The following OTUD7A variants were observed in gnomAD, a reference collection of about 807,000 sequenced individuals.
The protein encoded by OTUD7A is OTU domain-containing protein 7A.
In OTUD7A, 12 loss-of-function variants were observed where a neutral mutation model predicts 65.7. That is an observed-to-expected ratio of 0.18 (90% CI 0.12 to 0.30). The LOEUF is 0.30. OTUD7A is among the 10% of genes least tolerant of loss of function. The pLI is 1.00. For missense variants in OTUD7A, 1,148 were observed against 1,304.8 expected (o/e 0.88, Z 1.85); for synonymous variants, 641 against 586.3 (o/e 1.09, Z -1.35).
intron 3 of OTUD7A, among the ~76,000 whole-genome samples, chr15:31,644,612 A>G (rs979492638): frequency 4.8e-4 from 73 of 152,134 alleles, no homozygotes; most frequent in African/African-American, 1.7e-3. Flanking sequence ...AGTAGCCAGG[A>G]CCACAGGTAT....
chr15:31,493,477 G>A (rs1458522474), intron 10 of OTUD7A, among the ~76,000 whole-genome samples: 1 of 152,218 alleles, frequency 6.6e-6, no homozygotes, highest in Non-Finnish European at 1.5e-5. Context: ...AGAGCAAGTA[G>A]GCAGAAACCA....
intron 1 of OTUD7A, among the ~76,000 whole-genome samples, chr15:31,723,379 C>A (rs1033980908): frequency 5.1e-5 from 6 of 117,320 alleles, no homozygotes; most frequent in Non-Finnish European, 9.1e-5. Context: ...CCAACTGCCC[C>A]CCGCACCGCA....
chr15:31,495,653 G>A (rs971251769), intron 10 of OTUD7A, among the ~76,000 whole-genome samples: 1 of 152,192 alleles, frequency 6.6e-6, no homozygotes, highest in Admixed American at 6.5e-5. Flanking sequence ...GCGTAGCTGT[G>A]CTTTTTACTC....
At chr15:31,625,045 G>T (rs1451979498) in intron 3 of OTUD7A, among the ~76,000 whole-genome samples, 1 of 152,226 alleles carries the variant, frequency 6.6e-6, no homozygotes, top group African/African-American at 2.4e-5. Flanking sequence ...ACCATAAGCT[G>T]TCGCTTTATC....
chr15:31,791,089 C>G (rs35955815), intron 1 of OTUD7A, among the ~76,000 whole-genome samples: 22 of 152,142 alleles, frequency 1.4e-4, no homozygotes, highest in Admixed American at 5.2e-4. Flanking sequence ...TGCAGTGGCT[C>G]GATCTCGGCT....
At position 31,721,195 on chromosome 15, in the gene OTUD7A, C is replaced by T. The variant is rs529600459; in HGVS notation, c.-99-64118G>A. Among the ~76,000 whole-genome samples, 91 of 152,398 alleles carry T rather than the reference C, an allele frequency of 6.0e-4. 2 individuals are homozygous for T. In the East Asian group the frequency reaches 0.013, roughly 22 times the overall value. On this transcript the variant is annotated intron_variant, in intron 1 of 12. Coordinates refer to ENST00000307050, the MANE Select transcript of OTUD7A (RefSeq NM_001382637.1). ...TACCTCTATGTAATCAGTGTGTATG[C>T]TGCATGCACACATCTATGTATCTAT... is the stretch of plus-strand genomic sequence containing the variant.
intron 3 of OTUD7A, among the ~76,000 whole-genome samples, chr15:31,596,073 C>T (rs1260332150): frequency 6.6e-6 from 1 of 152,114 alleles, no homozygotes; most frequent in Non-Finnish European, 1.5e-5. Context: ...ATTTTAAAGT[C>T]ACCTGATTAG....
chr15:31,742,126 C>A (rs187252649), intron 1 of OTUD7A, among the ~76,000 whole-genome samples: 1 of 151,644 alleles, frequency 6.6e-6, no homozygotes, highest in African/African-American at 2.4e-5. Context: ...GTTTTCTCAA[C>A]AAATAAAGAA....
chr15:31,556,628 T>C (rs574947232), intron 5 of OTUD7A: 1 of 152,330 alleles, frequency 6.6e-6, no homozygotes, highest in East Asian at 1.9e-4. Flanking sequence ...GAAGGTAACA[T>C]GGTGGGGTCT....
chr15:31,795,325 G>A (rs1013019077), intron 1 of OTUD7A, among the ~76,000 whole-genome samples: 4 of 152,158 alleles, frequency 2.6e-5, no homozygotes, highest in East Asian at 1.9e-4. Context: ...GAACAGAGTC[G>A]CTAGCACCAT....
In OTUD7A at chr15:31,724,505, A is replaced by G. The variant is rs145107242; in HGVS notation, c.-99-67428T>C. Among the ~76,000 whole-genome samples, 172 of 152,336 alleles carry G rather than the reference A, an allele frequency of 1.1e-3. 2 individuals are homozygous for G. The highest frequency in any genetic ancestry group is 2.8e-3 in the Admixed American group (43 of 15,310). The stretch of plus-strand genomic sequence containing the variant: ...CTGTGCTTCATCAATGATTTGAAAT[A>G]CCACATTTATCATACACAATATGCC... On this transcript the variant is annotated intron_variant, in intron 1 of 12. Coordinates refer to ENST00000307050, the MANE Select transcript of OTUD7A (RefSeq NM_001382637.1).
At chr15:31,740,439 G>GGGTGGGA in intron 1 of OTUD7A, among the ~76,000 whole-genome samples, 1 of 152,044 alleles carries the variant, frequency 6.6e-6, no homozygotes, top group Non-Finnish European at 1.5e-5. Flanking sequence ...GGTGGGGGGA[G>GGGTGGGA]GGTGGGAGGT....
At chr15:31,741,559 C>A (rs1894345377) in intron 1 of OTUD7A, among the ~76,000 whole-genome samples, 1 of 151,914 alleles carries the variant, frequency 6.6e-6, no homozygotes, top group African/African-American at 2.4e-5. Context: ...ATACAATCTG[C>A]ATGAAAAATT....
chr15:31,789,706 CTTT>C (rs11354353), intron 1 of OTUD7A, among the ~76,000 whole-genome samples: 69 of 105,866 alleles, frequency 6.5e-4, no homozygotes, highest in Admixed American at 1.2e-3. Context: ...CAATGCTGCC[CTTT>C]TTTTTTTTTT....
intron 1 of OTUD7A, among the ~76,000 whole-genome samples, chr15:31,764,696 C>A (rs771922116): frequency 1.3e-4 from 20 of 152,220 alleles, no homozygotes; most frequent in Non-Finnish European, 2.2e-4. Flanking sequence ...ATATTGGAAT[C>A]ACCTAGATTA....
chr15:31,532,703 G>A (rs1248860967), intron 5 of OTUD7A, among the ~76,000 whole-genome samples: 1 of 151,954 alleles, frequency 6.6e-6, no homozygotes, highest in African/African-American at 2.4e-5. Context: ...TGAGGCGGGC[G>A]GATCACGAGG....
intron 1 of OTUD7A, among the ~76,000 whole-genome samples, chr15:31,867,738 G>A (rs1897915365): frequency 6.6e-6 from 1 of 152,190 alleles, no homozygotes; most frequent in African/African-American, 2.4e-5. Context: ...ACTCAATCCT[G>A]AGACTCAAAG....
At chr15:31,519,019 T>A (rs956128996) in intron 8 of OTUD7A, among the ~76,000 whole-genome samples, 3 of 152,232 alleles carry the variant, frequency 2.0e-5, no homozygotes, top group Non-Finnish European at 4.4e-5. Flanking sequence ...CAGTGGCCAG[T>A]GTGGCTTGAG....
At chr15:31,765,670 T>C in intron 1 of OTUD7A, 1 of 735,172 alleles carries the variant, frequency 1.4e-6, no homozygotes, top group South Asian at 2.0e-5. Flanking sequence ...CAGACTTCCT[T>C]TTGAGTAGCT....
Sources: gnomAD v4.1 joint callset for allele counts (sites outside exome capture counted in the v4.1 genomes callset) on GRCh38, gnomAD v4.1.1 for gene constraint, MANE v1.5 for transcripts, NCBI Gene and HGNC (gene_info 2026-07-23, HGNC 2026-07-21) for gene names.